Variants in RGS7 observed in about 807,000 individuals in gnomAD.
RGS7 encodes the protein regulator of G protein signaling 7.
In RGS7, 27 loss-of-function variants were observed where a neutral mutation model predicts 81.1. The ratio of observed to expected loss-of-function variants is 0.33; its 90% CI spans 0.25 to 0.46. The LOEUF is 0.46. Ranked by LOEUF, RGS7 falls within the 20% of genes least tolerant of loss-of-function variation. RGS7 has a pLI of 1.00. For synonymous variants in RGS7, 208 were observed against 207.7 expected (o/e 1.00, Z -0.01); for missense variants, 396 against 607.4 (o/e 0.65, Z 3.66).
chr1:240,875,227 T>A (rs912254058), intron 6 of RGS7, among the ~76,000 whole-genome samples: 4 of 152,160 alleles, frequency 2.6e-5, no homozygotes, highest in Non-Finnish European at 5.9e-5. Flanking sequence ...ACCATTCTAC[T>A]TTTTGCTTCT....
intron 2 of RGS7, among the ~76,000 whole-genome samples, chr1:241,350,552 A>G (rs930007577): frequency 2.6e-5 from 4 of 152,060 alleles, no homozygotes; most frequent in Non-Finnish European, 5.9e-5. Flanking sequence ...TCCCTTGTAT[A>G]TATTCCTCAC....
In RGS7 at chr1:241,337,966, T is replaced by C. The variant is rs79490908; in HGVS notation, c.78+17733A>G. 5.8e-3 allele frequency among the ~76,000 whole-genome samples: 890 copies of C among 152,342 alleles called. 5 individuals are homozygous for C. The highest frequency in any genetic ancestry group is 8.1e-3 in the Non-Finnish European group (550 of 68,042). On this transcript the variant is annotated intron_variant, in intron 2 of 18. Coordinates refer to ENST00000440928, the MANE Select transcript of RGS7 (RefSeq NM_001364886.1). The stretch of plus-strand genomic sequence containing the variant: ...TAATTATAACATTAAATGTTTTGAG[T>C]GTTTAAAATGTTTTGAGTAATCTGT...
chr1:240,842,981 G>A (rs781426777), intron 9 of RGS7, among the ~76,000 whole-genome samples: 5 of 151,894 alleles, frequency 3.3e-5, no homozygotes, highest in African/African-American at 1.2e-4. Context: ...TGGCCAATAT[G>A]GTGAAACCCC....
At chr1:241,277,415 C>T (rs1225009635) in intron 2 of RGS7, among the ~76,000 whole-genome samples, 1 of 152,040 alleles carries the variant, frequency 6.6e-6, no homozygotes, top group African/African-American at 2.4e-5. Flanking sequence ...GTCAGGAGAT[C>T]GAGACCATCC....
At chr1:241,072,023 G>C (rs985612588) in intron 3 of RGS7, among the ~76,000 whole-genome samples, 5 of 152,010 alleles carry the variant, frequency 3.3e-5, no homozygotes, top group African/African-American at 1.2e-4. Context: ...TAGTTTTTCA[G>C]AAACAGAGAG....
chr1:241,093,227 T>G (rs539429049), intron 3 of RGS7, among the ~76,000 whole-genome samples: 1 of 152,290 alleles, frequency 6.6e-6, no homozygotes, highest in East Asian at 1.9e-4. Context: ...TCAAACTTCT[T>G]AAAGGTTTTT....
At chr1:240,961,347 A>T (rs1681401478) in intron 4 of RGS7, among the ~76,000 whole-genome samples, 1 of 151,880 alleles carries the variant, frequency 6.6e-6, no homozygotes, top group Non-Finnish European at 1.5e-5. Flanking sequence ...AGATAATCCA[A>T]AGTGATGTCA....
At chr1:241,059,022 A>G (rs938242558) in intron 3 of RGS7, among the ~76,000 whole-genome samples, 5 of 152,148 alleles carry the variant, frequency 3.3e-5, no homozygotes, top group Non-Finnish European at 5.9e-5. Context: ...GTCCTAACCT[A>G]TTGCATCTCC....
intron 2 of RGS7, among the ~76,000 whole-genome samples, chr1:241,314,247 A>AT (rs2080731330): frequency 6.6e-6 from 1 of 152,210 alleles, no homozygotes. Flanking sequence ...GAGTCAATCA[A>AT]TGCGGCTCAC....
Position 241,076,713 on chromosome 1 carries a change from G to A in RGS7, c.175+21953C>T, listed in dbSNP as rs539383266. ...GAAGAGTATTTTGTCCGTGATCACC[G>A]GTGCACCCAATGGCCAATTGATTTC... On this transcript the variant is annotated intron_variant, in intron 3 of 18. Transcript: ENST00000440928. 1.5e-4 allele frequency among the ~76,000 whole-genome samples: 23 copies of A among 152,204 alleles called. No individual in the cohort carries two copies. In the South Asian group the frequency reaches 2.3e-3, roughly 15 times the overall value.
chr1:240,872,704 G>A (rs1432621078), intron 6 of RGS7, among the ~76,000 whole-genome samples: 1 of 152,168 alleles, frequency 6.6e-6, no homozygotes, highest in Non-Finnish European at 1.5e-5. Context: ...GAAGGTCCAA[G>A]TAGATCAAAG....
At chr1:240,879,891 T>G (rs1225722949) in intron 6 of RGS7, among the ~76,000 whole-genome samples, 1 of 152,218 alleles carries the variant, frequency 6.6e-6, no homozygotes, top group East Asian at 1.9e-4. Context: ...CACAATTATT[T>G]AGATTCTGCA....
chr1:241,116,211 T>C (rs2065878552), intron 2 of RGS7, among the ~76,000 whole-genome samples: 1 of 152,144 alleles, frequency 6.6e-6, no homozygotes, highest in South Asian at 2.1e-4. Flanking sequence ...AAAACTTGCA[T>C]TATACATGTA....
chr1:240,884,127 T>C (rs1389057622), intron 6 of RGS7, among the ~76,000 whole-genome samples: 2 of 142,406 alleles, frequency 1.4e-5, no homozygotes, highest in African/African-American at 5.3e-5. Context: ...AGTATTGAAG[T>C]GCTGTCTAGT....
intron 3 of RGS7, among the ~76,000 whole-genome samples, chr1:241,017,309 C>T (rs181025616): frequency 2.3e-4 from 35 of 152,050 alleles, no homozygotes; most frequent in African/African-American, 7.2e-4. Context: ...GGCGTGGTGG[C>T]GCACGCCTGT....
intron 9 of RGS7, among the ~76,000 whole-genome samples, chr1:240,839,780 T>A (rs1695304760): frequency 6.6e-6 from 1 of 152,126 alleles, no homozygotes; most frequent in African/African-American, 2.4e-5. Context: ...TTGGTTTAGT[T>A]TCCCAAAAAG....
At chr1:241,186,532 T>A (rs1194677096) in intron 2 of RGS7, 5,994 of 382,080 alleles carry the variant, frequency 0.016, 122 homozygotes, top group Non-Finnish European at 0.018. Context: ...TATTTTTTTT[T>A]TTTTTTTTTG....
chr1:241,186,412 C>T (rs2072104862), intron 2 of RGS7: 5 of 767,692 alleles, frequency 6.5e-6, no homozygotes, highest in African/African-American at 3.7e-5. Flanking sequence ...CAAAAGACCA[C>T]AAGAAACAAC....
At chr1:241,021,025 CAGAA>C (rs2059509107) in intron 3 of RGS7, among the ~76,000 whole-genome samples, 1 of 152,176 alleles carries the variant, frequency 6.6e-6, no homozygotes, top group Non-Finnish European at 1.5e-5. Flanking sequence ...AAAATGCTGA[CAGAA>C]AGACTCACGA....
Sources: gnomAD v4.1 joint callset for allele counts (sites outside exome capture counted in the v4.1 genomes callset) on GRCh38, gnomAD v4.1.1 for gene constraint, MANE v1.5 for transcripts, NCBI Gene and HGNC (gene_info 2026-07-23, HGNC 2026-07-21) for gene names.